ANKS1A: variants seen among roughly 807,000 people sequenced by gnomAD.
The protein encoded by ANKS1A is ankyrin repeat and SAM domain-containing protein 1A.
Under a neutral mutation model 120.3 loss-of-function variants are expected in ANKS1A, and 55 were observed. The observed-to-expected ratio is 0.46, with a 90% CI of 0.37 to 0.57. The LOEUF (loss-of-function observed/expected upper bound fraction) is 0.57. Among genes scored for constraint, ANKS1A ranks in the 20% least tolerant of loss-of-function variants. The pLI is 0.00. For missense variants in ANKS1A, 1,123 were observed against 1,480.3 expected, an observed-to-expected ratio of 0.76 and a Z score of 3.96; for synonymous variants, 590 against 604.7, an observed-to-expected ratio of 0.98 and a Z score of 0.36.
At chr6:34,969,523 G>A (rs1561878760) in intron 2 of ANKS1A, among the ~76,000 whole-genome samples, 1 of 152,198 alleles carries the variant, frequency 6.6e-6, no homozygotes, top group Non-Finnish European at 1.5e-5. Flanking sequence ...CCAAAGTGCT[G>A]GGATTACAGG....
chr6:34,922,264 C>G (rs900585749), intron 1 of ANKS1A, among the ~76,000 whole-genome samples: 2 of 152,086 alleles, frequency 1.3e-5, no homozygotes, highest in African/African-American at 4.8e-5. Context: ...ACTGTTATCC[C>G]CATTTTACAG....
intron 8 of ANKS1A, among the ~76,000 whole-genome samples, chr6:34,987,956 C>T (rs537637153): frequency 1.3e-5 from 2 of 152,318 alleles, no homozygotes; most frequent in South Asian, 4.1e-4. Context: ...ATGACCAGGG[C>T]TTTGGAATAT....
At chr6:34,965,775 TTCTC>T (rs1770864910) in intron 1 of ANKS1A, among the ~76,000 whole-genome samples, 1 of 150,386 alleles carries the variant, frequency 6.6e-6, no homozygotes, top group South Asian at 2.1e-4. Context: ...GAAATGGAGT[TTCTC>T]TCTGTCTCTC....
At chr6:35,037,116 T>G (rs1775213951) in intron 11 of ANKS1A, among the ~76,000 whole-genome samples, 1 of 152,232 alleles carries the variant, frequency 6.6e-6, no homozygotes, top group African/African-American at 2.4e-5. Context: ...CTGACATATT[T>G]AATATATACA....
chr6:34,919,886 G>T (rs1287932511), intron 1 of ANKS1A, among the ~76,000 whole-genome samples: 1 of 151,924 alleles, frequency 6.6e-6, no homozygotes, highest in East Asian at 1.9e-4. Context: ...GCTTGAGGGG[G>T]CCCTTCCAAA....
chr6:35,090,207 T>G lies in ANKS1A; in HGVS notation c.*1598T>G, dbSNP rs1778225163. On this transcript the variant is annotated 3_prime_UTR_variant, in exon 24 of 24. Transcript: ENST00000360359. ...AGATCTCGACACCTTGCAGTTTTACTTCATTTCCTGCCCCTTTCAGGGCCT... is the reference window on the plus strand; with the variant it reads ...AGATCTCGACACCTTGCAGTTTTACGTCATTTCCTGCCCCTTTCAGGGCCT... 7.8e-7 allele frequency: 1 copy of G among 1,289,434 alleles called. No individual in the cohort carries two copies. Among genetic ancestry groups the G allele is most frequent in the South Asian group, 1.2e-5 (1 of 81,040 alleles). The allele number at this position is 1,289,434 out of a possible 1,614,324, so 79.9% of individuals were successfully genotyped here. A position where few individuals can be genotyped will look rare whatever the true frequency, so the allele number is the denominator to read the frequency against.
intron 13 of ANKS1A, among the ~76,000 whole-genome samples, chr6:35,068,141 G>A (rs1776874856): frequency 6.6e-6 from 1 of 152,072 alleles, no homozygotes; most frequent in Admixed American, 6.6e-5. Flanking sequence ...TGATCCACTC[G>A]CCTCAGCCTC....
chr6:34,930,296 C>A (rs897559774), intron 1 of ANKS1A, among the ~76,000 whole-genome samples: 1 of 152,116 alleles, frequency 6.6e-6, no homozygotes, highest in Non-Finnish European at 1.5e-5. Context: ...CTCTCCTGGG[C>A]TATGTTTGGA....
intron 11 of ANKS1A, among the ~76,000 whole-genome samples, chr6:35,022,658 G>A (rs1352755406): frequency 6.6e-6 from 1 of 151,972 alleles, no homozygotes; most frequent in Admixed American, 6.6e-5. Context: ...ATGATGCTTG[G>A]GACATAATAG....
intron 1 of ANKS1A, among the ~76,000 whole-genome samples, chr6:34,913,482 A>G (rs1475148560): frequency 2.0e-5 from 3 of 152,158 alleles, no homozygotes; most frequent in Non-Finnish European, 4.4e-5. Flanking sequence ...ATGTGCCACT[A>G]TGCCCAGCTA....
chr6:34,944,146 T>C (rs1769666730), intron 1 of ANKS1A, among the ~76,000 whole-genome samples: 1 of 152,042 alleles, frequency 6.6e-6, no homozygotes, highest in South Asian at 2.1e-4. Flanking sequence ...GGCATGGTGG[T>C]GGGTGCCTGT....
chr6:34,937,665 G>A (rs916313621), intron 1 of ANKS1A, among the ~76,000 whole-genome samples: 5 of 152,120 alleles, frequency 3.3e-5, no homozygotes, highest in African/African-American at 1.2e-4. Flanking sequence ...GTATAAAGGA[G>A]AGATAAAGAT....
chr6:35,038,814 T>TC (rs1310121521), intron 11 of ANKS1A, among the ~76,000 whole-genome samples: 2 of 152,186 alleles, frequency 1.3e-5, no homozygotes, highest in Admixed American at 1.3e-4. Flanking sequence ...CTTCAGTTGT[T>TC]CTTTCTTTTA....
rs371173819 is a variant in ANKS1A, at chr6:35,017,481, C to T, written c.1432C>T (p.Arg478Trp). ...TCTCCGTCCACTCCAAGACCACAGG[C>T]GGAGCAGCAGCAGCCGGAGCCAGGA... ...LVDGKTKDHR[R>W]SSSSRSQDSA... The change falls in exon 11 of 24, where the codon CGG (arginine) becomes TGG (tryptophan). Residue 478 changes from arginine (R) to tryptophan (W), a missense_variant. Arg to Trp is a moderately radical substitution (Grantham distance 101). Transcript: ENST00000360359. 1.4e-4 allele frequency: 217 copies of T among 1,601,798 alleles called. No individual in the cohort carries two copies. Among genetic ancestry groups the T allele is most frequent in the African/African-American group, 5.2e-4 (39 of 74,594 alleles).
intron 11 of ANKS1A, among the ~76,000 whole-genome samples, chr6:35,025,251 TAC>T (rs3840543): frequency 5.9e-4 from 87 of 148,160 alleles, no homozygotes; most frequent in South Asian, 1.1e-3. Flanking sequence ...TATATGTGTA[TAC>T]ACACACACAC....
intron 1 of ANKS1A, among the ~76,000 whole-genome samples, chr6:34,926,823 G>A (rs1367362703): frequency 1.3e-5 from 2 of 152,260 alleles, no homozygotes; most frequent in Non-Finnish European, 2.9e-5. Context: ...ATTAGATAGT[G>A]TGCAACTTTG....
At chr6:34,897,415 T>C (rs1012059846) in intron 1 of ANKS1A, among the ~76,000 whole-genome samples, 1 of 152,216 alleles carries the variant, frequency 6.6e-6, no homozygotes, top group African/African-American at 2.4e-5. Flanking sequence ...AGGCTATTTC[T>C]GCCCTAGTCT....
At chr6:34,909,880 G>C (rs554406753) in intron 1 of ANKS1A, among the ~76,000 whole-genome samples, 112 of 152,318 alleles carry the variant, frequency 7.4e-4, no homozygotes, top group Middle Eastern at 6.8e-3. Context: ...TGGTGGCTCA[G>C]TGTGTGCGAA....
intron 1 of ANKS1A, among the ~76,000 whole-genome samples, chr6:34,891,390 C>T (rs1321363166): frequency 1.3e-5 from 2 of 152,196 alleles, no homozygotes; most frequent in African/African-American, 2.4e-5. Context: ...TGACAACTTA[C>T]AGGTGTTTAA....
Sources: allele counts gnomAD v4.1 joint callset (sites outside exome capture counted in the v4.1 genomes callset), GRCh38; gene constraint gnomAD v4.1.1; transcripts MANE v1.5; gene names NCBI Gene and HGNC (gene_info 2026-07-23, HGNC 2026-07-21).